Variants in ARV1 observed in about 807,000 individuals in gnomAD.
The protein encoded by ARV1 is protein ARV1.
In ARV1, 26 loss-of-function variants were observed where a neutral mutation model predicts 31.1. The observed-to-expected ratio is 0.84, with a 90% CI of 0.61 to 1.16. The LOEUF is 1.16. ARV1 is among the 50% of genes most tolerant of loss of function. The pLI, the probability that ARV1 is intolerant of heterozygous loss-of-function variation, is 0.00. For synonymous variants in ARV1, 117 were observed against 123.2 expected (o/e 0.95, Z 0.34); for missense variants, 281 against 324.9 (o/e 0.86, Z 1.04).
chr1:230,984,318 T>G (rs1400064161), intron 1 of ARV1, among the ~76,000 whole-genome samples: 1 of 151,592 alleles, frequency 6.6e-6, no homozygotes, highest in Non-Finnish European at 1.5e-5. Context: ...GTGGTCTGCT[T>G]TGGGATGTCT....
At position 230,996,508 on chromosome 1, in the gene ARV1, G is replaced by A. The variant is rs113255831; in HGVS notation, c.673+524G>A. ...GTCACCCAGGCTAGAGTGCAGTGAT[G>A]TGATCAGAACTCACTACAGCCTCTA... On this transcript the variant is annotated intron_variant, in intron 4 of 5. Transcript: ENST00000310256. Among the ~76,000 whole-genome samples, 934 of 152,230 alleles carry A rather than the reference G, an allele frequency of 6.1e-3. 7 individuals carry two copies. The highest frequency in any genetic ancestry group is 0.021 in the African/African-American group (875 of 41,538).
intron 1 of ARV1, among the ~76,000 whole-genome samples, chr1:230,984,593 A>T (rs1357917970): frequency 6.6e-6 from 1 of 152,120 alleles, no homozygotes; most frequent in African/African-American, 2.4e-5. Context: ...CCAAAGAGAC[A>T]ACTAATGCTC....
intron 1 of ARV1, 183 bp downstream of exon 1, chr1:230,979,462 G>C (rs531762932): frequency 5.8e-6 from 4 of 683,994 alleles, no homozygotes; most frequent in Admixed American, 7.6e-5. Context: ...TTCTCATACT[G>C]GGGCATATTT....
rs12124024 is a variant in ARV1 at position 230,983,369 on chromosome 1, C to A, written c.174+4090C>A. 6.4e-3 allele frequency among the ~76,000 whole-genome samples: 955 copies of A among 149,518 alleles called. 9 individuals carry two copies. Among genetic ancestry groups the A allele is most frequent in the African/African-American group, 0.022 (907 of 40,316 alleles). ...AGAGGTTGCAGTGAAGCTGAGATTGCGCCACTGCACTCCAGCCTGGATGAC... is the reference window on the plus strand; with the variant it reads ...AGAGGTTGCAGTGAAGCTGAGATTGAGCCACTGCACTCCAGCCTGGATGAC... On this transcript the variant is annotated intron_variant, in intron 1 of 5. Transcript: ENST00000310256.
chr1:230,986,666 CTATTT>C (rs1679080359), intron 1 of ARV1, among the ~76,000 whole-genome samples: 15 of 79,684 alleles, frequency 1.9e-4, no homozygotes, highest in South Asian at 9.8e-4. Flanking sequence ...AATACTTTTC[CTATTT>C]TTTTTTTTTT....
intron 1 of ARV1, among the ~76,000 whole-genome samples, chr1:230,980,995 C>T (rs767220901): frequency 3.9e-5 from 6 of 152,130 alleles, no homozygotes; most frequent in African/African-American, 9.7e-5. Flanking sequence ...ATCCAGTAGT[C>T]GATTCTCAGT....
At chr1:230,982,819 A>C (rs909648985) in intron 1 of ARV1, among the ~76,000 whole-genome samples, 2 of 152,230 alleles carry the variant, frequency 1.3e-5, no homozygotes, top group African/African-American at 4.8e-5. Context: ...AAAAGTAAGA[A>C]GTTTTTAAAC....
chr1:230,980,895 C>G (rs1678894755), intron 1 of ARV1, among the ~76,000 whole-genome samples: 1 of 152,032 alleles, frequency 6.6e-6, no homozygotes, highest in Admixed American at 6.5e-5. Flanking sequence ...ATTTCCTTTC[C>G]TAGTTTCTCT....
chr1:230,986,666 C>CTTTTTT (rs1558242688), intron 1 of ARV1, among the ~76,000 whole-genome samples: 7 of 79,684 alleles, frequency 8.8e-5, no homozygotes, highest in African/African-American at 1.7e-4. Context: ...AATACTTTTC[C>CTTTTTT]TATTTTTTTT....
chr1:230,979,449 C>T, intron 1 of ARV1, 170 bp downstream of exon 1: 1 of 752,154 alleles, frequency 1.3e-6, no homozygotes, highest in East Asian at 3.2e-5. Context: ...CCCGACAGCG[C>T]TTTTCTCATA....
intron 1 of ARV1, among the ~76,000 whole-genome samples, chr1:230,986,953 A>G (rs1451892147): frequency 1.3e-5 from 2 of 152,124 alleles, no homozygotes; most frequent in Non-Finnish European, 2.9e-5. Context: ...TAGAAGATTC[A>G]TTCTTACTGT....
intron 1 of ARV1, 63 bp downstream of exon 1, chr1:230,979,342 G>C: frequency 6.4e-7 from 1 of 1,570,956 alleles, no homozygotes; most frequent in Non-Finnish European, 8.7e-7. Context: ...TGGGGACCGC[G>C]AGGAGCAGGG....
rs780565979 is a variant in ARV1 at position 230,979,132 on chromosome 1, G to A, written c.27G>A (p.Leu9=). The change falls in exon 1 of 6, where the codon CTG becomes CTA. Residue 9 remains leucine (L), a synonymous_variant. Transcript: ENST00000310256. ...TGGGCAACGGCGGGCGGAGCGGCCTGCAGCAGGGGAAGGGGAACGTGGATG... is the reference window on the plus strand; with the variant it reads ...TGGGCAACGGCGGGCGGAGCGGCCTACAGCAGGGGAAGGGGAACGTGGATG... The part of the protein sequence containing the change: MGNGGRSG[L]QQGKGNVDGV... The A allele has an allele frequency of 5.5e-5, 89 of 1,607,986 alleles. No individual in the cohort carries two copies. The South Asian group carries it at 9.4e-4, about 17-fold the overall frequency.
At chr1:230,997,416 T>C (rs893095346) in intron 5 of ARV1, 149 bp downstream of exon 5, 22 of 905,936 alleles carry the variant, frequency 2.4e-5, no homozygotes, top group Non-Finnish European at 3.5e-5. Context: ...TCAAGGACTT[T>C]ACTACATGGC....
At chr1:230,992,237 C>T (rs1679248624) in intron 3 of ARV1, among the ~76,000 whole-genome samples, 1 of 152,140 alleles carries the variant, frequency 6.6e-6, no homozygotes, top group Admixed American at 6.5e-5. Context: ...TGTCATCTCC[C>T]ATGTCTACTC....
chr1:230,994,834 A>G (rs891918580), intron 3 of ARV1, among the ~76,000 whole-genome samples: 1 of 152,178 alleles, frequency 6.6e-6, no homozygotes, highest in Non-Finnish European at 1.5e-5. Context: ...ATGAGCCACC[A>G]TGCCCAGCCC....
intron 5 of ARV1, among the ~76,000 whole-genome samples, chr1:230,998,092 C>T (rs1338646585): frequency 1.3e-5 from 2 of 152,202 alleles, no homozygotes; most frequent in African/African-American, 2.4e-5. Flanking sequence ...CTTCCTATCT[C>T]ATGTTGTGCT....
intron 4 of ARV1, among the ~76,000 whole-genome samples, 194 bp downstream of exon 4, chr1:230,996,178 C>T (rs1020463587): frequency 1.3e-5 from 2 of 152,148 alleles, no homozygotes; most frequent in Admixed American, 1.3e-4. Flanking sequence ...CCATATAGTA[C>T]TTTATAGTTT....
intron 1 of ARV1, among the ~76,000 whole-genome samples, chr1:230,986,929 T>C (rs979716036): frequency 3.3e-5 from 5 of 152,152 alleles, no homozygotes; most frequent in African/African-American, 1.2e-4. Context: ...TTCTTTTCTT[T>C]ACAGTTGCAC....
Sources: allele counts gnomAD v4.1 joint callset (sites outside exome capture counted in the v4.1 genomes callset), GRCh38; gene constraint gnomAD v4.1.1; transcripts MANE v1.5; gene names NCBI Gene and HGNC (gene_info 2026-07-23, HGNC 2026-07-21).